The following DYSF variants were observed in gnomAD, a reference collection of about 807,000 sequenced individuals.
DYSF encodes dysferlin, also known as dystrophy-associated fer-1-like 1.
DYSF carries 212 observed loss-of-function variants against 274.9 expected under a neutral mutation model. The ratio of observed to expected loss-of-function variants is 0.77; its 90% CI spans 0.69 to 0.86. The LOEUF (loss-of-function observed/expected upper bound fraction) is 0.86, where lower values mean the gene tolerates loss of function less well. Ranked by LOEUF, DYSF falls within the 40% of genes least tolerant of loss-of-function variation. The probability of loss-of-function intolerance (pLI) is 0.00; values close to 1 mark genes in which losing one functional copy is unlikely to be tolerated. For synonymous variants in DYSF, 1,091 were observed against 1,078.7 expected (o/e 1.01, Z -0.22); for missense variants, 2,666 against 2,783.2 (o/e 0.96, Z 0.95).
chr2:71,471,822 C>T (rs780149953), intron 1 of DYSF, among the ~76,000 whole-genome samples: 1 of 152,074 alleles, frequency 6.6e-6, no homozygotes, highest in Non-Finnish European at 1.5e-5. Context: ...AAAAATTAGC[C>T]AGGCATGGTG....
chr2:71,541,521 T>G (rs1368100866), intron 17 of DYSF, among the ~76,000 whole-genome samples: 5 of 152,112 alleles, frequency 3.3e-5, no homozygotes, highest in Non-Finnish European at 5.9e-5. Context: ...TTTTTTTTCT[T>G]GATTAGCTGG....
intron 3 of DYSF, among the ~76,000 whole-genome samples, chr2:71,489,984 C>T (rs1263404464): frequency 6.6e-6 from 1 of 152,150 alleles, no homozygotes; most frequent in Non-Finnish European, 1.5e-5. Flanking sequence ...AATGCCTGCT[C>T]AGTGCTTGGA....
chr2:71,552,500 G>A (rs191228984), intron 19 of DYSF, among the ~76,000 whole-genome samples: 114 of 152,238 alleles, frequency 7.5e-4, no homozygotes, highest in South Asian at 1.5e-3. Flanking sequence ...TCCCCATCCC[G>A]TGCTCAGAGC....
In DYSF at chr2:71,532,220, A is replaced by C. The variant is rs537485074; in HGVS notation, c.1381-2801A>C. ...TATATAATTCAAATTTTCCTCTTTT[A>C]TAAACAACATTGTGACAAACATCAG... On this transcript the variant is annotated intron_variant, in intron 14 of 55. Transcript: ENST00000410020. Among the ~76,000 whole-genome samples the C allele has an allele frequency of 1.8e-4, 28 of 152,324 alleles. No individual in the cohort carries two copies. The South Asian group carries it at 5.8e-3, about 32-fold the overall frequency.
chr2:71,534,884 C>A, intron 14 of DYSF, 137 bp from the exon 15 acceptor site: 1 of 847,316 alleles, frequency 1.2e-6, no homozygotes, highest in East Asian at 2.6e-5. Context: ...TGCACTAGGC[C>A]CCAACCCCAG....
At chr2:71,651,330 C>G (rs2094655831) in intron 42 of DYSF, among the ~76,000 whole-genome samples, 2 of 151,808 alleles carry the variant, frequency 1.3e-5, no homozygotes, top group Admixed American at 1.3e-4. Context: ...AAAACCAAGC[C>G]AAAATCCGCA....
intron 53 of DYSF, among the ~76,000 whole-genome samples, chr2:71,680,425 A>G (rs1056427441): frequency 1.3e-5 from 2 of 152,212 alleles, no homozygotes; most frequent in Non-Finnish European, 2.9e-5. Context: ...AGATTTAACA[A>G]TATTTATGCC....
intron 3 of DYSF, among the ~76,000 whole-genome samples, chr2:71,499,438 G>C (rs375945944): frequency 2.2e-4 from 34 of 152,280 alleles, no homozygotes; most frequent in African/African-American, 7.9e-4. Flanking sequence ...GATGTAATAA[G>C]ACCCAATGTT....
Position 71,555,887 on chromosome 2 carries a change from C to T in DYSF, c.2110-78C>T, listed in dbSNP as rs538091042. On this transcript the variant is annotated intron_variant, in intron 21 of 55. Transcript: ENST00000410020. ...CTCCTTTTTGGTTCAGTAGCAGTGA[C>T]AAGGCCTGGGGGTTGGGTCCAGCAT... 3.4e-6 allele frequency: 4 copies of T among 1,179,452 alleles called. No individual in the cohort carries two copies. The South Asian group carries it at 5.3e-5, about 15-fold the overall frequency. The allele number at this position is 1,179,452 out of a possible 1,614,324, so 73.1% of individuals were successfully genotyped here.
intron 1 of DYSF, among the ~76,000 whole-genome samples, chr2:71,455,539 T>C (rs1314435292): frequency 6.6e-6 from 1 of 152,214 alleles, no homozygotes; most frequent in Non-Finnish European, 1.5e-5. Flanking sequence ...ATGCTTCCTC[T>C]CCGCATCCTC....
intron 12 of DYSF, among the ~76,000 whole-genome samples, chr2:71,521,432 A>G (rs947221102): frequency 2.0e-5 from 3 of 152,192 alleles, no homozygotes; most frequent in African/African-American, 7.2e-5. Flanking sequence ...ATTTCTGTAC[A>G]AACACCAGAG....
intron 36 of DYSF, among the ~76,000 whole-genome samples, chr2:71,605,998 G>C (rs2093640138): frequency 1.3e-5 from 2 of 152,136 alleles, no homozygotes; most frequent in Non-Finnish European, 1.5e-5. Context: ...AGCGTCTTCT[G>C]TCCTCTGCTG....
In DYSF at chr2:71,613,384, G is replaced by A. The variant is rs765027886; in HGVS notation, c.4438G>A (p.Asp1480Asn). The change falls in exon 40 of 56, where the codon GAC (aspartate) becomes AAC (asparagine). Residue 1480 changes from aspartate (D) to asparagine (N), a missense_variant. Asp to Asn is a conservative substitution (Grantham distance 23, BLOSUM62 1). Coordinates refer to ENST00000410020, the MANE Select transcript of DYSF (RefSeq NM_001130987.2). ...PGEDVLIDID[D>N]KEPLIPIQLA... is the part of the protein sequence containing the mutation. ...GGAAGACGTGCTCATCGACATTGAT[G>A]ACAAGGAGCCCCTCATCCCCATCCA... 15 of 1,613,412 alleles carry A rather than the reference G, an allele frequency of 9.3e-6. No homozygotes were observed. The African/African-American group carries it at 1.7e-4, about 19-fold the overall frequency.
Position 71,644,062 on chromosome 2 carries a change from A to G in DYSF, c.4625A>G (p.Lys1542Arg). The change falls in exon 42 of 56, where the codon AAG becomes AGG. Residue 1542 changes from lysine (K) to arginine (R), a missense_variant and splice_region_variant. Physicochemically the swap from Lys to Arg is conservative, Grantham distance 26. Transcript: ENST00000410020. ...SYLEKDFDTL[K>R]VYDTQLENVE... ...CTGGAGAAGGATTTTGACACCCTGA[A>G]GGTAAGGCCTCTCTTCAGTCTGACA... 1 of 1,608,906 alleles carries G rather than the reference A, an allele frequency of 6.2e-7. No individual in the cohort carries two copies. The highest frequency in any genetic ancestry group is 1.1e-5 in the South Asian group (1 of 89,736).
At position 71,611,554 on chromosome 2, in the gene DYSF, G is replaced by A. The variant is rs566381009; in HGVS notation, c.4149G>A (p.Thr1383=). ...PSLVVECGGQ[T]VQSCVIRNLR... Reference sequence around the variant, plus strand: ...TCGTGGTAGAGTGTGGGGGCCAGACGGTGCAGTCCTGTGTCATCAGGAACC... The same window carrying A: ...TCGTGGTAGAGTGTGGGGGCCAGACAGTGCAGTCCTGTGTCATCAGGAACC... The change falls in exon 38 of 56, where the codon ACG becomes ACA. Residue 1383 remains threonine (T), a synonymous_variant. Coordinates refer to ENST00000410020, the MANE Select transcript of DYSF (RefSeq NM_001130987.2). 3.2e-5 allele frequency: 51 copies of A among 1,613,948 alleles called. No homozygotes were observed. In the South Asian group the frequency reaches 4.6e-4, roughly 15 times the overall value.
chr2:71,567,974 C>G lies in DYSF; in HGVS notation c.2589C>G (p.Gly863=), dbSNP rs551942312. Residue 863 remains glycine, a synonymous_variant, in exon 25 of 56, where the codon GGC becomes GGG. Transcript: ENST00000410020. ...AGTATCCGATGGAGAAGGTGCCTGG[C>G]GCCCGGATGCCAGTGCAGATACGGG... The part of the protein sequence containing the change: ...FLKYPMEKVP[G]ARMPVQIRVK... The G allele has an allele frequency of 6.2e-7, 1 of 1,614,068 alleles. No individual in the cohort carries two copies. The highest frequency in any genetic ancestry group is 1.7e-5 in the Admixed American group (1 of 60,014).
intron 50 of DYSF, among the ~76,000 whole-genome samples, 167 bp downstream of exon 50, chr2:71,669,374 C>T (rs1437509223): frequency 6.6e-6 from 1 of 152,140 alleles, no homozygotes; most frequent in African/African-American, 2.4e-5. Flanking sequence ...GCTCTCCCAC[C>T]AGATTTCTTT....
chr2:71,617,204 T>G (rs1574378318), intron 40 of DYSF, among the ~76,000 whole-genome samples: 1 of 151,642 alleles, frequency 6.6e-6, no homozygotes, highest in South Asian at 2.1e-4. Flanking sequence ...TTTCGGGAGG[T>G]GGGAATATGT....
chr2:71,530,647 G>A (rs1336191881), intron 14 of DYSF, among the ~76,000 whole-genome samples: 1 of 152,144 alleles, frequency 6.6e-6, no homozygotes, highest in Admixed American at 6.5e-5. Flanking sequence ...TGGTGAAGGA[G>A]GCAGCTGGAA....
Sources: allele counts gnomAD v4.1 joint callset (sites outside exome capture counted in the v4.1 genomes callset), GRCh38; gene constraint gnomAD v4.1.1; transcripts MANE v1.5; gene names NCBI Gene and HGNC (gene_info 2026-07-23, HGNC 2026-07-21).